Variants in GALNT5 observed in about 807,000 individuals in gnomAD.
The protein encoded by GALNT5 is polypeptide N-acetylgalactosaminyltransferase 5.
Under a neutral mutation model 85.4 loss-of-function variants are expected in GALNT5, and 72 were observed. The ratio of observed to expected loss-of-function variants is 0.84; its 90% CI spans 0.70 to 1.03. The LOEUF is 1.03. Among genes scored for constraint, GALNT5 ranks in the 50% least tolerant of loss-of-function variants. The pLI is 0.00. For synonymous variants in GALNT5, 404 were observed against 397.0 expected (o/e 1.02, Z -0.21); for missense variants, 1,137 against 1,135.5 (o/e 1.00, Z -0.02).
In GALNT5 at chr2:157,262,225, A is replaced by T. The variant is rs55780446; in HGVS notation, c.1454+2689A>T. 7.0e-3 allele frequency among the ~76,000 whole-genome samples: 1,054 copies of T among 151,174 alleles called. 10 individuals carry two copies. Among genetic ancestry groups the T allele is most frequent in the African/African-American group, 0.02 (811 of 41,018 alleles). On this transcript the variant is annotated intron_variant, in intron 1 of 9. Transcript: ENST00000259056. ...AAAAATGTAAAAAAAAAAAAAAAAA[A>T]GCGCACAGATTTGGTATAATCATTT...
intron 5 of GALNT5, among the ~76,000 whole-genome samples, chr2:157,297,228 C>T (rs576835767): frequency 6.6e-6 from 1 of 152,240 alleles, no homozygotes; most frequent in Admixed American, 6.5e-5. Flanking sequence ...GACCGTGCAC[C>T]GAAGCGTGTT....
intron 1 of GALNT5, among the ~76,000 whole-genome samples, chr2:157,273,703 C>T (rs1468503583): frequency 8.0e-6 from 1 of 124,356 alleles, no homozygotes; most frequent in African/African-American, 3.2e-5. Context: ...AGTGCAATGG[C>T]ACAATCTCAG....
intron 1 of GALNT5, among the ~76,000 whole-genome samples, chr2:157,283,563 T>C (rs748528103): frequency 1.3e-4 from 20 of 152,090 alleles, no homozygotes; most frequent in Admixed American, 3.3e-4. Flanking sequence ...ATACGGAAGC[T>C]AAAAAGAGTT....
Position 157,316,119 on chromosome 2 carries a change from AC to A in GALNT5, c.*4772del, listed in dbSNP as rs1683697746. Among the ~76,000 whole-genome samples the A allele has an allele frequency of 6.6e-6, 1 of 152,122 alleles. No homozygotes were observed. Among genetic ancestry groups the A allele is most frequent in the East Asian group, 1.9e-4 (1 of 5,186 alleles). ...CTGGCTGTCACCATGACATTTGCAC[AC>A]GTGGCTTCACTTCACCAGTGCCATG... On this transcript the variant is annotated 3_prime_UTR_variant, in exon 10 of 10. Coordinates refer to ENST00000259056, the MANE Select transcript of GALNT5 (RefSeq NM_014568.3).
At chr2:157,284,192 A>G (rs1161171882) in intron 1 of GALNT5, 90 bp from the exon 2 acceptor site, 6 of 930,334 alleles carry the variant, frequency 6.4e-6, no homozygotes, top group South Asian at 4.1e-5. Context: ...GTGTGTGTGT[A>G]TATGCACACC....
chr2:157,308,467 A>G (rs993505150), intron 8 of GALNT5, 100 bp from the exon 9 acceptor site: 3 of 791,044 alleles, frequency 3.8e-6, no homozygotes, highest in African/African-American at 3.5e-5. Context: ...ATGTCAGATC[A>G]TAGTTCCTAT....
intron 3 of GALNT5, 46 bp downstream of exon 3, chr2:157,286,180 T>C: frequency 6.6e-7 from 1 of 1,523,750 alleles, no homozygotes; most frequent in South Asian, 1.1e-5. Context: ...TTATTTTAAT[T>C]TAAAATGTTT....
intron 8 of GALNT5, among the ~76,000 whole-genome samples, chr2:157,306,905 A>C (rs1423445149): frequency 6.6e-6 from 1 of 152,242 alleles, no homozygotes; most frequent in African/African-American, 2.4e-5. Flanking sequence ...AACTCATTAA[A>C]AGAAATAAAT....
intron 1 of GALNT5, among the ~76,000 whole-genome samples, chr2:157,282,104 A>T (rs928464448): frequency 4.6e-5 from 7 of 152,206 alleles, no homozygotes; most frequent in Non-Finnish European, 7.3e-5. Context: ...TAGTTTAGAC[A>T]GTCTGATATT....
chr2:157,295,609 A>G (rs1156326345), intron 3 of GALNT5, 54 bp from the exon 4 acceptor site: 3 of 1,435,716 alleles, frequency 2.1e-6, no homozygotes, highest in Non-Finnish European at 2.9e-6. Context: ...CATGAAGTAC[A>G]CACATTCAAT....
chr2:157,276,814 A>G (rs1363734473), intron 1 of GALNT5, among the ~76,000 whole-genome samples: 1 of 151,782 alleles, frequency 6.6e-6, no homozygotes, highest in African/African-American at 2.4e-5. Flanking sequence ...TTGTGTCTCT[A>G]TCTCCTTCAG....
chr2:157,291,891 G>C (rs1046257313), intron 3 of GALNT5, among the ~76,000 whole-genome samples: 4 of 152,042 alleles, frequency 2.6e-5, no homozygotes, highest in African/African-American at 9.7e-5. Flanking sequence ...AGAGGATTTT[G>C]AATGTTCCCA....
intron 3 of GALNT5, among the ~76,000 whole-genome samples, chr2:157,288,606 G>A (rs919487977): frequency 2.6e-5 from 4 of 152,112 alleles, no homozygotes; most frequent in African/African-American, 7.2e-5. Flanking sequence ...CATTTGGGGA[G>A]AAAGAAAAAA....
At chr2:157,259,961 G>T (rs1395951522) in intron 1 of GALNT5, among the ~76,000 whole-genome samples, 3 of 152,194 alleles carry the variant, frequency 2.0e-5, no homozygotes, top group Non-Finnish European at 2.9e-5. Flanking sequence ...GCACACAGAA[G>T]GACTCTTCTA....
intron 2 of GALNT5, among the ~76,000 whole-genome samples, chr2:157,284,711 G>C (rs935410560): frequency 2.6e-5 from 4 of 152,142 alleles, no homozygotes; most frequent in South Asian, 2.1e-4. Context: ...CTTGGAGATG[G>C]GCACTTAGAA....
At chr2:157,291,596 A>C (rs1247658781) in intron 3 of GALNT5, among the ~76,000 whole-genome samples, 1 of 151,536 alleles carries the variant, frequency 6.6e-6, no homozygotes, top group East Asian at 1.9e-4. Flanking sequence ...AAGGACCCAA[A>C]ATTTTTGGCA....
At chr2:157,292,431 C>T (rs1683120578) in intron 3 of GALNT5, among the ~76,000 whole-genome samples, 2 of 152,214 alleles carry the variant, frequency 1.3e-5, no homozygotes, top group Non-Finnish European at 2.9e-5. Context: ...TTCTCCTCTT[C>T]CCCAAAATAA....
At chr2:157,276,134 T>A (rs1408803296) in intron 1 of GALNT5, among the ~76,000 whole-genome samples, 1 of 152,146 alleles carries the variant, frequency 6.6e-6, no homozygotes, top group Non-Finnish European at 1.5e-5. Context: ...TATTGATTTG[T>A]GTATGTTGAA....
intron 3 of GALNT5, among the ~76,000 whole-genome samples, chr2:157,287,917 CA>C (rs1683013515): frequency 6.6e-6 from 1 of 152,174 alleles, no homozygotes; most frequent in African/African-American, 2.4e-5. Flanking sequence ...GAGATGAGTA[CA>C]ATCACATCCT....
Sources: allele counts gnomAD v4.1 joint callset (sites outside exome capture counted in the v4.1 genomes callset), GRCh38; gene constraint gnomAD v4.1.1; transcripts MANE v1.5; gene names NCBI Gene and HGNC (gene_info 2026-07-23, HGNC 2026-07-21).